The following GLIS3 variants were observed in gnomAD, a reference collection of about 807,000 sequenced individuals.
GLIS3 encodes the protein zinc finger protein GLIS3.
In GLIS3, 53 loss-of-function variants were observed where a neutral mutation model predicts 78.6. That is an observed-to-expected ratio of 0.67 (90% CI 0.54 to 0.85). GLIS3 has a LOEUF of 0.85. Among genes scored for constraint, GLIS3 ranks in the 40% least tolerant of loss-of-function variants. The pLI, the probability that GLIS3 is intolerant of heterozygous loss-of-function variation, is 0.00. For synonymous variants in GLIS3, 684 were observed against 509.9 expected, an observed-to-expected ratio of 1.34 and a Z score of -4.60; for missense variants, 1,703 against 1,231.1, an observed-to-expected ratio of 1.38 and a Z score of -5.74.
At chr9:4,061,608 G>A (rs1395819160) in intron 4 of GLIS3, among the ~76,000 whole-genome samples, 1 of 152,068 alleles carries the variant, frequency 6.6e-6, no homozygotes. Context: ...GAACTACAAA[G>A]GATATATATT....
At chr9:3,857,037 G>C (rs1003144156) in intron 8 of GLIS3, among the ~76,000 whole-genome samples, 5 of 152,234 alleles carry the variant, frequency 3.3e-5, no homozygotes, top group African/African-American at 1.2e-4. Flanking sequence ...TTGAAGGCAA[G>C]ATGTAATTGT....
intron 1 of GLIS3, among the ~76,000 whole-genome samples, chr9:4,294,025 T>TA (rs948072068): frequency 1.3e-4 from 20 of 152,338 alleles, no homozygotes; most frequent in African/African-American, 4.8e-4. Context: ...CAAACCGCCT[T>TA]AGAGTCCAGC....
chr9:3,872,645 T>A (rs59730064), intron 8 of GLIS3, among the ~76,000 whole-genome samples: 23,006 of 152,160 alleles, frequency 0.15, 1,949 homozygotes, highest in Non-Finnish European at 0.19. Flanking sequence ...ACCATCCCGA[T>A]GATTCAATTA....
At chr9:4,377,727 T>C in the GLIS3 span, among the ~76,000 whole-genome samples, 1 of 152,178 alleles carries the variant, frequency 6.6e-6, no homozygotes, top group Admixed American at 6.6e-5. Context: ...TAGTATAAGA[T>C]GCTATTAATA....
At chr9:4,335,292 A>C (rs1817741654) in intron 2 of GLIS3, among the ~76,000 whole-genome samples, 2 of 152,234 alleles carry the variant, frequency 1.3e-5, no homozygotes, top group Non-Finnish European at 2.9e-5. Flanking sequence ...GTGACGATCA[A>C]AGTCTATACC....
intron 1 of GLIS3, among the ~76,000 whole-genome samples, chr9:4,297,493 C>T (rs1036777691): frequency 6.6e-6 from 1 of 152,164 alleles, no homozygotes; most frequent in African/African-American, 2.4e-5. Flanking sequence ...CAGAACTTCC[C>T]TCTTCTCACA....
chr9:4,167,333 T>G (rs1486931646), intron 2 of GLIS3, among the ~76,000 whole-genome samples: 1 of 151,818 alleles, frequency 6.6e-6, no homozygotes, highest in Non-Finnish European at 1.5e-5. Flanking sequence ...TTCTTGGGAA[T>G]TTTTTTTTAT....
intron 2 of GLIS3, among the ~76,000 whole-genome samples, chr9:4,206,893 G>A (rs1230683596): frequency 6.6e-6 from 1 of 151,002 alleles, no homozygotes; most frequent in Non-Finnish European, 1.5e-5. Flanking sequence ...ATCGCGCTGG[G>A]AGGAAGGGGG....
chr9:4,237,712 C>T (rs555866296), intron 2 of GLIS3, among the ~76,000 whole-genome samples: 3 of 152,140 alleles, frequency 2.0e-5, no homozygotes, highest in Non-Finnish European at 2.9e-5. Flanking sequence ...ATCAGGCATG[C>T]CTTTTGTTTT....
At chr9:4,184,625 A>C (rs1817609495) in intron 2 of GLIS3, among the ~76,000 whole-genome samples, 1 of 152,226 alleles carries the variant, frequency 6.6e-6, no homozygotes, top group Admixed American at 6.5e-5. Context: ...CACCCAACCC[A>C]GGTTGGTACT....
At chr9:4,412,595 C>T in the GLIS3 span, among the ~76,000 whole-genome samples, 1 of 152,138 alleles carries the variant, frequency 6.6e-6, no homozygotes, top group Non-Finnish European at 1.5e-5. Context: ...TGGTATTTGG[C>T]ACTGGGTGAA....
chr9:3,986,263 T>C (rs1364785400), intron 4 of GLIS3, among the ~76,000 whole-genome samples: 4 of 152,184 alleles, frequency 2.6e-5, no homozygotes. Flanking sequence ...CACTCAGCAG[T>C]TTAGGAGTCC....
the GLIS3 span, among the ~76,000 whole-genome samples, chr9:4,439,091 C>A: frequency 6.6e-6 from 1 of 152,172 alleles, no homozygotes; most frequent in African/African-American, 2.4e-5. Flanking sequence ...CTTCAACACG[C>A]TTTCATGTTT....
At chr9:3,985,323 T>G (rs1465840100) in intron 4 of GLIS3, among the ~76,000 whole-genome samples, 1 of 152,136 alleles carries the variant, frequency 6.6e-6, no homozygotes, top group African/African-American at 2.4e-5. Flanking sequence ...TTTTTTGTAC[T>G]TCTTAGTAGA....
chr9:4,171,246 T>C (rs183798570), intron 2 of GLIS3, among the ~76,000 whole-genome samples: 1 of 152,290 alleles, frequency 6.6e-6, no homozygotes, highest in Non-Finnish European at 1.5e-5. Context: ...AGTATAAAGA[T>C]AAAAGGTTCT....
the GLIS3 span, among the ~76,000 whole-genome samples, chr9:4,380,284 T>C: frequency 6.6e-6 from 1 of 152,248 alleles, no homozygotes; most frequent in Non-Finnish European, 1.5e-5. Context: ...TGCTGTTATT[T>C]GAAATCTTCT....
rs1472304007 is a variant in GLIS3, at chr9:3,881,573, T to TA, written c.2129-1979_2129-1978insT. Among the ~76,000 whole-genome samples, 5 of 152,154 alleles carry TA rather than the reference T, an allele frequency of 3.3e-5. No individual in the cohort carries two copies. In the South Asian group the frequency reaches 1.0e-3, roughly 31 times the overall value. On this transcript the variant is annotated intron_variant, in intron 7 of 10. Transcript: ENST00000381971. ...CATAGGCTGGGAAATTGGGGATTGTTTGTAGCCTGCCACTCGCTCAGAGTT... is the reference window on the plus strand; with the variant it reads ...CATAGGCTGGGAAATTGGGGATTGTTATGTAGCCTGCCACTCGCTCAGAGTT...
In GLIS3 at chr9:4,339,147, C is replaced by T. The variant is rs932717602; in HGVS notation, n.264+7934G>A. Reference sequence around the variant, plus strand: ...CAACACCTCAGTCATGATTTAGTGGCTTGGCTTATATATTTGGTGGCATAG... The same window carrying T: ...CAACACCTCAGTCATGATTTAGTGGTTTGGCTTATATATTTGGTGGCATAG... On this transcript the variant is annotated intron_variant and non_coding_transcript_variant, in intron 2 of 4. Coordinates refer to the GLIS3 transcript ENST00000471664. 2.0e-5 allele frequency among the ~76,000 whole-genome samples: 3 copies of T among 152,174 alleles called. No individual in the cohort carries two copies. The East Asian group carries it at 5.8e-4, about 29-fold the overall frequency.
intron 4 of GLIS3, among the ~76,000 whole-genome samples, chr9:4,087,936 G>C (rs780003611): frequency 6.6e-6 from 1 of 152,130 alleles, no homozygotes. Flanking sequence ...ATTATGGTTA[G>C]TTATGTACAT....
Sources: allele counts gnomAD v4.1 joint callset (sites outside exome capture counted in the v4.1 genomes callset), GRCh38; gene constraint gnomAD v4.1.1; transcripts MANE v1.5; gene names NCBI Gene and HGNC (gene_info 2026-07-23, HGNC 2026-07-21).